SGCZ: variants seen among roughly 807,000 people sequenced by gnomAD.
The protein encoded by SGCZ is zeta-sarcoglycan.
Under a neutral mutation model 41.3 loss-of-function variants are expected in SGCZ, and 40 were observed. The observed-to-expected ratio is 0.97, with a 90% confidence interval of 0.75 to 1.26. The LOEUF (loss-of-function observed/expected upper bound fraction) is 1.26. Ranked by LOEUF, SGCZ falls within the 50% of genes most tolerant of loss-of-function variation. The pLI, the probability that SGCZ is intolerant of heterozygous loss-of-function variation, is 0.00. For synonymous variants in SGCZ, 206 were observed against 137.5 expected (o/e 1.50, Z -3.49); for missense variants, 552 against 369.8 (o/e 1.49, Z -4.04).
Position 14,186,595 on chromosome 8 carries a change from T to C in SGCZ, c.425-21893A>G, listed in dbSNP as rs1804910313. Among the ~76,000 whole-genome samples, 3 of 152,144 alleles carry C rather than the reference T, an allele frequency of 2.0e-5. 1 individual carries two copies. The South Asian group carries it at 6.2e-4, about 32-fold the overall frequency. ...AGTGCTTAGTTCCTAAGCAGAGATT[T>C]TACTGAGAGAGAAACTTACCACTTT... On this transcript the variant is annotated intron_variant, in intron 4 of 7. Coordinates refer to ENST00000382080, the MANE Select transcript of SGCZ (RefSeq NM_139167.4).
Position 14,265,393 on chromosome 8 carries a change from C to A in SGCZ, c.337-27714G>T, listed in dbSNP as rs79813704. ...TTTCCATTTACAAAATATAGAAATTCTTGATCATTGAAAATGTCAAATCCT... is the reference window on the plus strand; with the variant it reads ...TTTCCATTTACAAAATATAGAAATTATTGATCATTGAAAATGTCAAATCCT... On this transcript the variant is annotated intron_variant, in intron 3 of 7. Transcript: ENST00000382080. Among the ~76,000 whole-genome samples the A allele has an allele frequency of 9.2e-3, 1,406 of 152,138 alleles. 25 individuals are homozygous for A. Among genetic ancestry groups the A allele is most frequent in the African/African-American group, 0.032 (1,325 of 41,494 alleles).
At chr8:14,944,516 T>G (rs1800378632) in intron 1 of SGCZ, among the ~76,000 whole-genome samples, 1 of 152,194 alleles carries the variant, frequency 6.6e-6, no homozygotes, top group Non-Finnish European at 1.5e-5. Context: ...GGCCATTCTA[T>G]CACATTAACT....
In SGCZ at chr8:15,094,743, T is replaced by C. The variant is rs142140136; in HGVS notation, c.39+142842A>G. On this transcript the variant is annotated intron_variant, in intron 1 of 7. Transcript: ENST00000382080. ...AGATAATTGAATCATGGGGGCAGTT[T>C]CCCCCATACTGTTCTCTTGATAGTG... Among the ~76,000 whole-genome samples the C allele has an allele frequency of 2.9e-4, 44 of 152,184 alleles. 1 individual carries two copies. In the East Asian group the frequency reaches 6.0e-3, roughly 21 times the overall value.
chr8:14,608,457 G>A (rs1225433923), intron 1 of SGCZ, among the ~76,000 whole-genome samples: 1 of 151,690 alleles, frequency 6.6e-6, no homozygotes, highest in Admixed American at 6.6e-5. Flanking sequence ...GAGGCGGGGG[G>A]CAGATGTGTC....
At chr8:14,855,766 G>T (rs567758790) in intron 1 of SGCZ, among the ~76,000 whole-genome samples, 1 of 152,102 alleles carries the variant, frequency 6.6e-6, no homozygotes, top group Non-Finnish European at 1.5e-5. Flanking sequence ...GAACATGCCC[G>T]GTAACATAAT....
intron 3 of SGCZ, among the ~76,000 whole-genome samples, chr8:14,239,857 C>G (rs1289738624): frequency 8.0e-4 from 94 of 117,178 alleles, no homozygotes; most frequent in African/African-American, 3.1e-3. Flanking sequence ...AGCCGAGATC[C>G]CACCACTGCA....
chr8:14,679,597 A>C (rs1808380113), intron 1 of SGCZ, among the ~76,000 whole-genome samples: 1 of 151,838 alleles, frequency 6.6e-6, no homozygotes, highest in African/African-American at 2.4e-5. Context: ...AAGTGTTATT[A>C]CAGAAAAAGT....
chr8:15,227,335 T>C (rs993635374), intron 1 of SGCZ, among the ~76,000 whole-genome samples: 5 of 152,202 alleles, frequency 3.3e-5, no homozygotes, highest in Non-Finnish European at 5.9e-5. Context: ...ATCAAATAGG[T>C]AAATATTCAT....
intron 3 of SGCZ, among the ~76,000 whole-genome samples, chr8:14,254,732 A>G (rs1290675627): frequency 2.0e-5 from 3 of 148,274 alleles, no homozygotes; most frequent in Non-Finnish European, 3.1e-5. Context: ...TTAGAATGTG[A>G]AAGACATCGT....
At chr8:15,159,269 C>T (rs1799427164) in intron 1 of SGCZ, among the ~76,000 whole-genome samples, 1 of 152,190 alleles carries the variant, frequency 6.6e-6, no homozygotes, top group Admixed American at 6.5e-5. Context: ...GAGCTCACCA[C>T]CACAATTACT....
chr8:14,555,252 T>A (rs1803999225), intron 1 of SGCZ, among the ~76,000 whole-genome samples: 1 of 152,014 alleles, frequency 6.6e-6, no homozygotes, highest in Non-Finnish European at 1.5e-5. Flanking sequence ...AGAACTCTAC[T>A]CATGTCCAAG....
At chr8:14,871,340 A>T (rs2130703000) in intron 1 of SGCZ, among the ~76,000 whole-genome samples, 1 of 152,316 alleles carries the variant, frequency 6.6e-6, no homozygotes, top group Non-Finnish European at 1.5e-5. Flanking sequence ...CTCCTCAAGG[A>T]TCTAGAACAA....
At position 14,859,160 on chromosome 8, in the gene SGCZ, A is replaced by G. The variant is rs943898135; in HGVS notation, c.40-304234T>C. On this transcript the variant is annotated intron_variant, in intron 1 of 7. Coordinates refer to ENST00000382080, the MANE Select transcript of SGCZ (RefSeq NM_139167.4). ...CTCTGGTATGTTGCAGAAGTATTTT[A>G]TGCATACTCTCTATTTTGTGACACA... is the stretch of plus-strand genomic sequence containing the variant. 7.9e-5 allele frequency among the ~76,000 whole-genome samples: 12 copies of G among 152,108 alleles called. No individual in the cohort carries two copies. The East Asian group carries it at 2.3e-3, about 29-fold the overall frequency.
At chr8:14,816,302 A>C (rs1801901777) in intron 1 of SGCZ, among the ~76,000 whole-genome samples, 1 of 152,228 alleles carries the variant, frequency 6.6e-6, no homozygotes, top group Non-Finnish European at 1.5e-5. Flanking sequence ...TGCTCTGATG[A>C]GGCTGGAGGA....
At chr8:14,375,885 A>G (rs748466566) in intron 2 of SGCZ, among the ~76,000 whole-genome samples, 4 of 152,252 alleles carry the variant, frequency 2.6e-5, no homozygotes, top group Non-Finnish European at 5.9e-5. Context: ...ATGAGATAGA[A>G]AACAGAAAAT....
intron 1 of SGCZ, among the ~76,000 whole-genome samples, chr8:14,785,676 A>C (rs1800747035): frequency 6.6e-6 from 1 of 152,172 alleles, no homozygotes; most frequent in Non-Finnish European, 1.5e-5. Context: ...AGTTTAATTT[A>C]AGCTATTTAT....
intron 4 of SGCZ, among the ~76,000 whole-genome samples, chr8:14,234,560 GT>G (rs1397143132): frequency 6.6e-6 from 1 of 151,956 alleles, no homozygotes; most frequent in Non-Finnish European, 1.5e-5. Flanking sequence ...AAAATGAAGA[GT>G]AACTGAAATT....
chr8:14,704,512 C>G (rs1275305753), intron 1 of SGCZ, among the ~76,000 whole-genome samples: 1 of 151,916 alleles, frequency 6.6e-6, no homozygotes, highest in Non-Finnish European at 1.5e-5. Flanking sequence ...ATTATTACAG[C>G]TGAGAAAGGT....
rs148747469 is a variant in SGCZ at position 14,160,129 on chromosome 8, T to A, written c.547+4451A>T. 2.2e-3 allele frequency among the ~76,000 whole-genome samples: 338 copies of A among 152,338 alleles called. 1 individual carries two copies. Among genetic ancestry groups the A allele is most frequent in the African/African-American group, 7.7e-3 (319 of 41,576 alleles). The stretch of plus-strand genomic sequence containing the variant: ...ACTGTCTAAAAAAAAGCAGATATGC[T>A]TTCTTTTGATATATTTAACTGCTGT... On this transcript the variant is annotated intron_variant, in intron 5 of 7. Coordinates refer to ENST00000382080, the MANE Select transcript of SGCZ (RefSeq NM_139167.4).
Sources: allele counts gnomAD v4.1 joint callset (sites outside exome capture counted in the v4.1 genomes callset), GRCh38; gene constraint gnomAD v4.1.1; transcripts MANE v1.5; gene names NCBI Gene and HGNC (gene_info 2026-07-23, HGNC 2026-07-21).